The following MCF2 variants were observed in gnomAD, a reference collection of about 807,000 sequenced individuals.
The protein encoded by MCF2 is proto-oncogene DBL.
A neutral mutation model predicts 82.5 loss-of-function variants in MCF2; 44 were observed. The observed-to-expected ratio is 0.53, with a 90% CI of 0.42 to 0.69. The LOEUF is 0.69. Among genes scored for constraint, MCF2 ranks in the 30% least tolerant of loss-of-function variants. The probability of loss-of-function intolerance (pLI) is 0.00; values close to 1 mark genes in which losing one functional copy is unlikely to be tolerated. For missense variants in MCF2, 623 were observed against 663.1 expected (o/e 0.94, Z 0.66); for synonymous variants, 217 against 224.9 (o/e 0.96, Z 0.32).
Position 139,597,453 on chromosome X carries a change from T to C in MCF2, c.2055+7A>G. 8.4e-7 allele frequency: 1 copy of C among 1,186,280 alleles called. No homozygotes were observed. Among genetic ancestry groups the C allele is most frequent in the Non-Finnish European group, 1.1e-6 (1 of 875,946 alleles). On this transcript the variant is annotated splice_region_variant and intron_variant, in intron 18 of 24. Coordinates refer to ENST00000370576, the Ensembl canonical transcript of MCF2. The stretch of plus-strand genomic sequence containing the variant: ...TAAAATTCCAACAATTATTAAAATG[T>C]GCTTACAATATAGCCATTTATTGCA...
At chrX:139,606,161 A>G (rs1375794033) in intron 12 of MCF2, among the ~76,000 whole-genome samples, 2 of 108,481 alleles carry the variant, frequency 1.8e-5, no homozygotes, top group African/African-American at 3.3e-5. Context: ...CTATTCCTAA[A>G]TGTCTGAGGT....
intron 1 of MCF2, among the ~76,000 whole-genome samples, chrX:139,706,838 C>A (rs1453904278): frequency 9.1e-6 from 1 of 109,984 alleles, no homozygotes; most frequent in East Asian, 2.8e-4. Context: ...CTTTATACTG[C>A]GTCAGACTCT....
chrX:139,649,963 T>C (rs1876093640), intron 2 of MCF2, among the ~76,000 whole-genome samples: 1 of 112,198 alleles, frequency 8.9e-6, no homozygotes. Flanking sequence ...AAATAAAACA[T>C]AAAGCCATAT....
chrX:139,639,621 TAAC>T (rs1933443585), intron 1 of MCF2, among the ~76,000 whole-genome samples: 1 of 111,706 alleles, frequency 9.0e-6, no homozygotes, highest in South Asian at 3.8e-4. Context: ...CTTACAGCAG[TAAC>T]AACAACAATA....
At position 139,631,527 on chromosome X, in the gene MCF2, A is replaced by G. The variant is rs775816180; in HGVS notation, c.172-16T>C. The stretch of plus-strand genomic sequence containing the variant: ...GCATAACAACCTATATAAATAAGCA[A>G]AAAAGATACTGTTAACTGCCCTTCA... On this transcript the variant is annotated splice_polypyrimidine_tract_variant and intron_variant, in intron 2 of 24. Transcript: ENST00000370576. The G allele has an allele frequency of 4.0e-6, 4 of 1,001,424 alleles. No individual in the cohort carries two copies. The highest frequency in any genetic ancestry group is 5.7e-6 in the Non-Finnish European group (4 of 707,348). The allele number at this position is 1,001,424 out of a possible 1,213,427, so 82.5% of individuals were successfully genotyped here. A position where few individuals can be genotyped will look rare whatever the true frequency, so the allele number is the denominator to read the frequency against.
intron 1 of MCF2, among the ~76,000 whole-genome samples, chrX:139,634,051 C>T (rs191126170): frequency 1.3e-4 from 14 of 111,067 alleles, no homozygotes; most frequent in Middle Eastern, 9.4e-3. Flanking sequence ...TTCTGATCTC[C>T]ATTCATATAC....
intron 1 of MCF2, among the ~76,000 whole-genome samples, chrX:139,656,154 C>G (rs899040108): frequency 3.9e-4 from 44 of 112,027 alleles, no homozygotes; most frequent in African/African-American, 1.3e-3. Context: ...CTCTGCCTCC[C>G]GGGTTGACAC....
At chrX:139,645,977 C>A (rs1192358826), upstream of MCF2, among the ~76,000 whole-genome samples, 1 of 111,361 alleles carries the variant, frequency 9.0e-6, no homozygotes, top group Admixed American at 9.6e-5. Flanking sequence ...AGATAAGTGT[C>A]CTTCATGATA....
At chrX:139,603,856 AT>A (rs199902783) in intron 15 of MCF2, among the ~76,000 whole-genome samples, 1,823 of 111,776 alleles carry the variant, frequency 0.016, 33 homozygotes, top group African/African-American at 0.056. Flanking sequence ...AAAAAATAAA[AT>A]AAATAAAGTT....
At position 139,586,490 on chromosome X, in the gene MCF2, G is replaced by C; in HGVS notation, c.2523-3C>G. Reference sequence around the variant, plus strand: ...TTATAAAAGCTCCCTGTTGCTTTCTGAAATAGTGATGTATAAAACTAAGTG... The same window carrying C: ...TTATAAAAGCTCCCTGTTGCTTTCTCAAATAGTGATGTATAAAACTAAGTG... On this transcript the variant is annotated splice_region_variant and splice_polypyrimidine_tract_variant and intron_variant, in intron 22 of 24. Transcript: ENST00000370576. 8.8e-7 allele frequency: 1 copy of C among 1,141,835 alleles called. No individual in the cohort carries two copies. Among genetic ancestry groups the C allele is most frequent in the Non-Finnish European group, 1.2e-6 (1 of 832,819 alleles). The allele number at this position is 1,141,835 out of a possible 1,213,427, so 94.1% of individuals were successfully genotyped here.
intron 1 of MCF2, among the ~76,000 whole-genome samples, chrX:139,684,708 C>G (rs753466611): frequency 9.0e-6 from 1 of 111,682 alleles, no homozygotes; most frequent in African/African-American, 3.3e-5. Flanking sequence ...GTGAAAGAAG[C>G]CAGTCACAAG....
chrX:139,584,431 G>C (rs767013895), intron 24 of MCF2, among the ~76,000 whole-genome samples: 7 of 111,272 alleles, frequency 6.3e-5, no homozygotes, highest in Non-Finnish European at 1.3e-4. Flanking sequence ...CTTCCAAGCT[G>C]GTGACTTTAG....
At chrX:139,660,317 C>G (rs1004899932) in intron 1 of MCF2, among the ~76,000 whole-genome samples, 6 of 112,224 alleles carry the variant, frequency 5.3e-5, no homozygotes, top group African/African-American at 1.9e-4. Context: ...CAAACTATAT[C>G]AAGAATGTTT....
At chrX:139,641,405 C>T (rs964277724) in intron 1 of MCF2, among the ~76,000 whole-genome samples, 15 of 110,067 alleles carry the variant, frequency 1.4e-4, no homozygotes, top group Non-Finnish European at 2.7e-4. Flanking sequence ...AAAATAAAGC[C>T]AACTATAGTT....
chrX:139,610,706 A>G (rs1042134904), intron 10 of MCF2, among the ~76,000 whole-genome samples: 4 of 112,177 alleles, frequency 3.6e-5, no homozygotes, highest in Non-Finnish European at 7.5e-5. Context: ...TTTTGAAAAC[A>G]ATCTAAGTTT....
chrX:139,602,257 G>A, intron 16 of MCF2, 149 bp downstream of exon 20: 1 of 470,207 alleles, frequency 2.1e-6, no homozygotes, highest in Non-Finnish European at 3.7e-6. Flanking sequence ...ATGTGTTTGT[G>A]TGTGTTGGGG....
chrX:139,699,149 T>C (rs1215672505), intron 1 of MCF2, among the ~76,000 whole-genome samples: 1 of 112,026 alleles, frequency 8.9e-6, no homozygotes, highest in African/African-American at 3.2e-5. Flanking sequence ...ATTTTGCAGA[T>C]CTGCAGCTTG....
chrX:139,659,304 T>A (rs1392876229), intron 1 of MCF2, among the ~76,000 whole-genome samples: 1 of 110,359 alleles, frequency 9.1e-6, no homozygotes, highest in Admixed American at 9.6e-5. Context: ...AATAAAAAAT[T>A]TAAAAATTAA....
chrX:139,693,026 GT>G (rs1935309688), intron 1 of MCF2, among the ~76,000 whole-genome samples: 1 of 111,647 alleles, frequency 9.0e-6, no homozygotes, highest in South Asian at 3.8e-4. Flanking sequence ...GAGGCAACCC[GT>G]TTAAGAAGCC....
Sources: gnomAD v4.1 joint callset for allele counts (sites outside exome capture counted in the v4.1 genomes callset) on GRCh38, gnomAD v4.1.1 for gene constraint, MANE v1.5 for transcripts, NCBI Gene and HGNC (gene_info 2026-07-23, HGNC 2026-07-21) for gene names.